SAMSN1: variants seen among roughly 807,000 people sequenced by gnomAD.
SAMSN1 encodes SAM domain-containing protein SAMSN-1.
SAMSN1 carries 31 observed loss-of-function variants against 42.0 expected under a neutral mutation model. The observed-to-expected ratio is 0.74, with a 90% confidence interval of 0.55 to 1.00. The LOEUF is 1.00. Among genes scored for constraint, SAMSN1 ranks in the 50% least tolerant of loss-of-function variants. The pLI is 0.00. For synonymous variants in SAMSN1, 178 were observed against 151.9 expected (o/e 1.17, Z -1.26); for missense variants, 464 against 439.4 (o/e 1.06, Z -0.50).
exon 2 of SAMSN1, chr21:14,582,293 T>A: frequency 1.3e-6 from 2 of 1,550,788 alleles, no homozygotes; most frequent in Non-Finnish European, 1.7e-6. Flanking sequence ...ATGCCACATG[T>A]AAGCTTCACC....
Position 14,485,897 on chromosome 21 carries a change from G to A in SAMSN1, c.*15C>T, listed in dbSNP as rs900744289. Reference sequence around the variant, plus strand: ...AATGGAATGCATCTGTAGATATATAGTTGGGAATGCGTGTTCAGTCACTTG... The same window carrying A: ...AATGGAATGCATCTGTAGATATATAATTGGGAATGCGTGTTCAGTCACTTG... On this transcript the variant is annotated 3_prime_UTR_variant, in exon 8 of 8. Coordinates refer to ENST00000400566, the MANE Select transcript of SAMSN1 (RefSeq NM_022136.5). 14 of 1,602,876 alleles carry A rather than the reference G, an allele frequency of 8.7e-6. No individual in the cohort carries two copies. The highest frequency in any genetic ancestry group is 5.0e-5 in the Admixed American group (3 of 59,952).
upstream of SAMSN1, chr21:14,583,636 G>T (rs565755759): frequency 2.8e-4 from 204 of 716,548 alleles, no homozygotes; most frequent in Middle Eastern, 4.6e-4. Context: ...ACAGCTTATT[G>T]AGTTCTTACT....
At chr21:14,624,268 A>T (rs1213791730) in intron 2 of SAMSN1, among the ~76,000 whole-genome samples, 3 of 152,218 alleles carry the variant, frequency 2.0e-5, no homozygotes, top group Non-Finnish European at 4.4e-5. Flanking sequence ...GCAAGAAATA[A>T]CTAAGATCAG....
rs1978448253 is a variant in SAMSN1 at position 14,521,196 on chromosome 21, T to C, written c.83A>G (p.Asp28Gly). 5 of 1,611,514 alleles carry C rather than the reference T, an allele frequency of 3.1e-6. No individual in the cohort carries two copies. The East Asian group carries it at 6.7e-5, about 22-fold the overall frequency. The change falls in exon 2 of 8, where the codon GAT becomes GGT. Residue 28 changes from aspartate (D) to glycine (G), a missense_variant. Physicochemically the swap from Asp to Gly is moderately conservative, Grantham distance 94. Transcript: ENST00000400566. ...PKRSSSFGNF[D>G]RFRNNSLSKP... is the part of the protein sequence containing the mutation. Reference sequence around the variant, plus strand: ...TGATAAAGAATTATTCCGAAAACGATCGAAATTCCCAAAACTGCTGCTTCG... The same window carrying C: ...TGATAAAGAATTATTCCGAAAACGACCGAAATTCCCAAAACTGCTGCTTCG...
intron 4 of SAMSN1, among the ~76,000 whole-genome samples, chr21:14,610,464 T>C (rs1330182604): frequency 6.6e-6 from 1 of 152,206 alleles, no homozygotes; most frequent in East Asian, 1.9e-4. Flanking sequence ...TTAGTGATTC[T>C]AGTTTCACCC....
At chr21:14,588,859 G>C (rs188115186) in intron 7 of SAMSN1, among the ~76,000 whole-genome samples, 1 of 138,088 alleles carries the variant, frequency 7.2e-6, no homozygotes, top group Non-Finnish European at 1.6e-5. Context: ...GTCTCTAATT[G>C]GTTTTCTTTT....
intron 3 of SAMSN1, 97 bp downstream of exon 3, chr21:14,516,795 A>G (rs1987937743): frequency 2.0e-6 from 2 of 979,090 alleles, no homozygotes; most frequent in African/African-American, 1.7e-5. Context: ...ACAAATGCTT[A>G]AGTACTTCAT....
At chr21:14,604,568 AC>A (rs760504201) in intron 5 of SAMSN1, among the ~76,000 whole-genome samples, 1 of 152,290 alleles carries the variant, frequency 6.6e-6, no homozygotes, top group African/African-American at 2.4e-5. Flanking sequence ...AAACAAAAAA[AC>A]AATTACAAAA....
At chr21:14,640,098 G>T (rs996595949) in intron 2 of SAMSN1, among the ~76,000 whole-genome samples, 1 of 152,104 alleles carries the variant, frequency 6.6e-6, no homozygotes, top group Non-Finnish European at 1.5e-5. Flanking sequence ...GAATATTGAT[G>T]ATCTTATGTT....
intron 5 of SAMSN1, among the ~76,000 whole-genome samples, chr21:14,607,083 T>TC (rs1982588898): frequency 6.6e-6 from 1 of 152,208 alleles, no homozygotes; most frequent in African/African-American, 2.4e-5. Context: ...ACAGTTTATT[T>TC]CCCTATATAT....
intron 5 of SAMSN1, among the ~76,000 whole-genome samples, chr21:14,504,752 C>T (rs1447870972): frequency 6.6e-6 from 1 of 152,126 alleles, no homozygotes; most frequent in African/African-American, 2.4e-5. Context: ...AAACACGAAC[C>T]TAGGAAATTC....
At chr21:14,513,764 G>A (rs1453224371) in intron 3 of SAMSN1, among the ~76,000 whole-genome samples, 1 of 152,148 alleles carries the variant, frequency 6.6e-6, no homozygotes, top group Non-Finnish European at 1.5e-5. Flanking sequence ...GTGAAGCTTT[G>A]GAGACAGTTT....
chr21:14,510,467 G>A lies in SAMSN1; in HGVS notation c.410-6C>T. 6.2e-7 allele frequency: 1 copy of A among 1,614,062 alleles called. No individual in the cohort carries two copies. The highest frequency in any genetic ancestry group is 8.5e-7 in the Non-Finnish European group (1 of 1,179,938). On this transcript the variant is annotated splice_region_variant and splice_polypyrimidine_tract_variant and intron_variant, in intron 4 of 7. Transcript: ENST00000400566. ...TGAACAGCTTGTTATGCCACCTGAT[G>A]AAAGCAGAAGTTCACAGTTGTCATG...
At position 14,614,670 on chromosome 21, in the gene SAMSN1, T is replaced by C. The variant is rs571949863; in HGVS notation, c.197+1306A>G. Among the ~76,000 whole-genome samples, 5 of 152,334 alleles carry C rather than the reference T, an allele frequency of 3.3e-5. 1 individual carries two copies. Among genetic ancestry groups the C allele is most frequent in the African/African-American group, 1.2e-4 (5 of 41,580 alleles). On this transcript the variant is annotated intron_variant, in intron 3 of 15. Coordinates refer to the SAMSN1 transcript ENST00000647101. ...ATATATAAGGTTTCCTTTTTCTTAA[T>C]CTTTTGTTTTTAATTTTTAATGCAA...
intron 2 of SAMSN1, among the ~76,000 whole-genome samples, chr21:14,625,808 C>T (rs962329694): frequency 1.3e-5 from 2 of 152,194 alleles, no homozygotes; most frequent in Non-Finnish European, 2.9e-5. Context: ...CAAACAAGAG[C>T]CTGCATTGCC....
chr21:14,577,888 A>G (rs1039913293), intron 2 of SAMSN1, among the ~76,000 whole-genome samples: 2 of 152,120 alleles, frequency 1.3e-5, no homozygotes, highest in African/African-American at 4.8e-5. Flanking sequence ...AATCACAAAT[A>G]TTTCTTCACT....
At chr21:14,506,285 G>T (rs998050967) in intron 5 of SAMSN1, among the ~76,000 whole-genome samples, 1 of 152,050 alleles carries the variant, frequency 6.6e-6, no homozygotes, top group African/African-American at 2.4e-5. Flanking sequence ...ACAAAAAGCT[G>T]TTTTTTGAAA....
upstream of SAMSN1, chr21:14,658,888 A>T: frequency 1.5e-6 from 1 of 669,450 alleles, no homozygotes; most frequent in Non-Finnish European, 2.8e-6. Context: ...TACAAAGTAA[A>T]ATCCCTGCCA....
chr21:14,537,254 T>C (rs1296289873), intron 1 of SAMSN1, among the ~76,000 whole-genome samples: 1 of 152,144 alleles, frequency 6.6e-6, no homozygotes, highest in East Asian at 1.9e-4. Context: ...CTGCCCAGAG[T>C]ACAGTTTCCT....
Sources: allele counts gnomAD v4.1 joint callset (sites outside exome capture counted in the v4.1 genomes callset), GRCh38; gene constraint gnomAD v4.1.1; transcripts MANE v1.5; gene names NCBI Gene and HGNC (gene_info 2026-07-23, HGNC 2026-07-21).